Variants in STAU2 observed in about 807,000 individuals in gnomAD.
The protein encoded by STAU2 is staufen double-stranded RNA binding protein 2.
A neutral mutation model predicts 65.9 loss-of-function variants in STAU2; 20 were observed. The observed-to-expected ratio is 0.30, with a 90% confidence interval of 0.21 to 0.44. STAU2 has a LOEUF of 0.44. Ranked by LOEUF, STAU2 falls within the 20% of genes least tolerant of loss-of-function variation. STAU2 has a pLI of 1.00. For synonymous variants in STAU2, 232 were observed against 233.9 expected (o/e 0.99, Z 0.07); for missense variants, 558 against 683.9 (o/e 0.82, Z 2.05).
At chr8:73,669,602 C>T (rs1425424134) in intron 6 of STAU2, among the ~76,000 whole-genome samples, 1 of 151,614 alleles carries the variant, frequency 6.6e-6, no homozygotes, top group Admixed American at 6.6e-5. Context: ...CACACTTCTA[C>T]TGCGGGGAGT....
intron 13 of STAU2, among the ~76,000 whole-genome samples, chr8:73,466,241 AG>A (rs1819645620): frequency 6.6e-6 from 1 of 152,238 alleles, no homozygotes; most frequent in Non-Finnish European, 1.5e-5. Flanking sequence ...TCTGGGTTTT[AG>A]ACTCATGGAG....
intron 10 of STAU2, among the ~76,000 whole-genome samples, chr8:73,600,191 C>T (rs1811533028): frequency 6.6e-6 from 1 of 152,170 alleles, no homozygotes; most frequent in Non-Finnish European, 1.5e-5. Context: ...AAAAAAGGTG[C>T]TGTACTCTCT....
At chr8:73,641,204 C>T (rs750225006) in intron 6 of STAU2, among the ~76,000 whole-genome samples, 2 of 151,980 alleles carry the variant, frequency 1.3e-5, no homozygotes, top group South Asian at 4.1e-4. Context: ...AAAAATTAGC[C>T]AGGCATAGTG....
At chr8:73,438,067 G>C (rs1205955522) in intron 13 of STAU2, among the ~76,000 whole-genome samples, 1 of 152,166 alleles carries the variant, frequency 6.6e-6, no homozygotes, top group East Asian at 1.9e-4. Flanking sequence ...ATCAGCTCCA[G>C]GTCTCAGCTC....
intron 13 of STAU2, among the ~76,000 whole-genome samples, chr8:73,537,556 G>T (rs1806263332): frequency 6.6e-6 from 1 of 152,130 alleles, no homozygotes; most frequent in African/African-American, 2.4e-5. Flanking sequence ...AGAAGGAACA[G>T]GCATAACGTT....
chr8:73,558,580 G>A (rs1431673611), intron 12 of STAU2, among the ~76,000 whole-genome samples: 1 of 152,136 alleles, frequency 6.6e-6, no homozygotes, highest in Admixed American at 6.5e-5. Flanking sequence ...GCCTTTCAAT[G>A]ATCACTGATG....
chr8:73,601,739 T>C (rs1277609300), intron 10 of STAU2, among the ~76,000 whole-genome samples: 1 of 152,134 alleles, frequency 6.6e-6, no homozygotes, highest in African/African-American at 2.4e-5. Flanking sequence ...TGAATACCCA[T>C]AAAATGGAAG....
chr8:73,429,934 T>C (rs1333921423), intron 13 of STAU2, among the ~76,000 whole-genome samples: 1 of 152,246 alleles, frequency 6.6e-6, no homozygotes, highest in African/African-American at 2.4e-5. Flanking sequence ...GAGCACACAG[T>C]GTCCCGTCAG....
chr8:73,672,901 G>GGA (rs370578100), intron 6 of STAU2: 13 of 297,568 alleles, frequency 4.4e-5, no homozygotes, highest in South Asian at 1.1e-4. Flanking sequence ...TGGGGTAGGG[G>GGA]AAAAAAAAAA....
intron 1 of STAU2, among the ~76,000 whole-genome samples, 154 bp downstream of exon 1, chr8:73,746,629 A>G (rs1807309332): frequency 6.6e-6 from 1 of 150,424 alleles, no homozygotes; most frequent in South Asian, 2.1e-4. Context: ...CCGATGTGGG[A>G]GGGAAGGCGC....
At chr8:73,566,384 G>A (rs1808613926) in intron 12 of STAU2, among the ~76,000 whole-genome samples, 1 of 152,094 alleles carries the variant, frequency 6.6e-6, no homozygotes, top group Non-Finnish European at 1.5e-5. Context: ...GCCATTTAGT[G>A]TTTTTACATG....
At chr8:73,476,198 C>G (rs192137646) in intron 13 of STAU2, among the ~76,000 whole-genome samples, 2 of 152,216 alleles carry the variant, frequency 1.3e-5, no homozygotes, top group Non-Finnish European at 1.5e-5. Flanking sequence ...CTCAGAGCAC[C>G]CAGAACAGAA....
intron 3 of STAU2, among the ~76,000 whole-genome samples, chr8:73,715,539 TA>T (rs532273849): frequency 4.7e-4 from 72 of 152,214 alleles, no homozygotes; most frequent in African/African-American, 1.6e-3. Flanking sequence ...AGATTTTTTT[TA>T]ATAATCATTT....
At chr8:73,516,345 T>A (rs1295308935) in intron 13 of STAU2, among the ~76,000 whole-genome samples, 6 of 152,086 alleles carry the variant, frequency 3.9e-5, no homozygotes, top group African/African-American at 1.4e-4. Context: ...ATTTTTTTTT[T>A]ATCACTACCT....
chr8:73,439,601 A>G (rs1817981951), intron 13 of STAU2, among the ~76,000 whole-genome samples: 1 of 152,140 alleles, frequency 6.6e-6, no homozygotes, highest in African/African-American at 2.4e-5. Context: ...CAGCTGAACA[A>G]ACTTGGGCTC....
At chr8:73,620,203 CTTTG>C (rs1278368224) in intron 6 of STAU2, among the ~76,000 whole-genome samples, 1 of 152,144 alleles carries the variant, frequency 6.6e-6, no homozygotes, top group African/African-American at 2.4e-5. Context: ...CTCCACATAA[CTTTG>C]TTTATTTTTA....
intron 7 of STAU2, 108 bp downstream of exon 7, chr8:73,617,184 A>G (rs1266011045): frequency 7.6e-7 from 1 of 1,320,936 alleles, no homozygotes; most frequent in African/African-American, 1.5e-5. Context: ...TCTTCACTCT[A>G]GTATTCTTCC....
intron 5 of STAU2, among the ~76,000 whole-genome samples, chr8:73,685,854 CAT>C (rs780182836): frequency 1.4e-4 from 21 of 152,318 alleles, no homozygotes; most frequent in Admixed American, 2.6e-4. Context: ...CTTGTATACA[CAT>C]GTTTATAGCA....
chr8:73,446,101 C>T (rs1393378721), intron 13 of STAU2, among the ~76,000 whole-genome samples: 1 of 152,208 alleles, frequency 6.6e-6, no homozygotes, highest in Non-Finnish European at 1.5e-5. Context: ...CCATGGAATA[C>T]TACTCAGCCA....
Sources: allele counts gnomAD v4.1 joint callset (sites outside exome capture counted in the v4.1 genomes callset), GRCh38; gene constraint gnomAD v4.1.1; transcripts MANE v1.5; gene names NCBI Gene and HGNC (gene_info 2026-07-23, HGNC 2026-07-21).